SORCS1: variants seen among roughly 807,000 people sequenced by gnomAD.
SORCS1 encodes the protein sortilin related VPS10 domain containing receptor 1, also known as VPS10 domain-containing receptor SorCS1.
SORCS1 carries 60 observed loss-of-function variants against 146.1 expected under a neutral mutation model. The observed-to-expected ratio is 0.41, with a 90% CI of 0.33 to 0.51. SORCS1 has a LOEUF of 0.51. Ranked by LOEUF, SORCS1 falls within the 20% of genes least tolerant of loss-of-function variation. SORCS1 has a pLI of 0.21. For missense variants in SORCS1, 1,352 were observed against 1,487.6 expected, an observed-to-expected ratio of 0.91 and a Z score of 1.50; for synonymous variants, 637 against 584.0, an observed-to-expected ratio of 1.09 and a Z score of -1.31.
intron 1 of SORCS1, among the ~76,000 whole-genome samples, chr10:107,030,044 C>G (rs957653831): frequency 1.3e-5 from 2 of 151,788 alleles, no homozygotes; most frequent in African/African-American, 4.8e-5. Flanking sequence ...CCATGTCGCA[C>G]AATAACTTAG....
chr10:106,948,563 A>C (rs4917492), intron 2 of SORCS1, among the ~76,000 whole-genome samples: 64,497 of 151,666 alleles, frequency 0.43, 16,998 homozygotes, highest in Non-Finnish European at 0.58. Context: ...AGTACCAGTT[A>C]CTTGGGAGGC....
chr10:106,966,599 C>T (rs766612752), intron 1 of SORCS1, among the ~76,000 whole-genome samples: 1 of 152,188 alleles, frequency 6.6e-6, no homozygotes, highest in Non-Finnish European at 1.5e-5. Context: ...GTGTTGCAGA[C>T]AGAGCTAGGG....
At chr10:106,664,995 C>T (rs1222814479) in intron 17 of SORCS1, among the ~76,000 whole-genome samples, 1 of 152,058 alleles carries the variant, frequency 6.6e-6, no homozygotes, top group Non-Finnish European at 1.5e-5. Context: ...TATGCTAAGA[C>T]CTCACTGACC....
At chr10:106,868,475 G>T (rs1259035147) in intron 2 of SORCS1, among the ~76,000 whole-genome samples, 1 of 152,054 alleles carries the variant, frequency 6.6e-6, no homozygotes. Context: ...AAATGGAAAA[G>T]AACCAAATTC....
intron 1 of SORCS1, among the ~76,000 whole-genome samples, chr10:106,980,301 C>G (rs1423651549): frequency 1.3e-5 from 2 of 152,172 alleles, no homozygotes; most frequent in East Asian, 1.9e-4. Flanking sequence ...TTTGCCAAAG[C>G]TACATAAAGG....
rs190619636 is a variant in SORCS1, at chr10:106,688,179, T to C, written c.1560+13A>G. ...TACTGTGTGAGGCATTCTGCTTCAATAGGAAGACTCACCAGCAAGCAGTGC... is the reference window on the plus strand; with the variant it reads ...TACTGTGTGAGGCATTCTGCTTCAACAGGAAGACTCACCAGCAAGCAGTGC... On this transcript the variant is annotated intron_variant, in intron 10 of 25. Coordinates refer to ENST00000263054, the MANE Select transcript of SORCS1 (RefSeq NM_052918.5). 633 of 1,611,302 alleles carry C rather than the reference T, an allele frequency of 3.9e-4. 7 individuals are homozygous for C. The East Asian group carries it at 9.9e-3, about 25-fold the overall frequency.
At chr10:106,622,880 T>C (rs1398619261) in intron 19 of SORCS1, among the ~76,000 whole-genome samples, 1 of 152,160 alleles carries the variant, frequency 6.6e-6, no homozygotes, top group East Asian at 1.9e-4. Context: ...AAAGAACCTT[T>C]CCAGTCAAAC....
intron 1 of SORCS1, among the ~76,000 whole-genome samples, chr10:107,057,366 A>G (rs1960745601): frequency 6.6e-6 from 1 of 152,230 alleles, no homozygotes; most frequent in Non-Finnish European, 1.5e-5. Context: ...AGAGAAAGGA[A>G]TTGATTAAGA....
chr10:106,974,074 A>C (rs1359155627), intron 1 of SORCS1, among the ~76,000 whole-genome samples: 1 of 152,230 alleles, frequency 6.6e-6, no homozygotes, highest in African/African-American at 2.4e-5. Context: ...TACTTGTGCT[A>C]CTACATTTGA....
chr10:107,157,061 T>C lies in SORCS1; in HGVS notation c.558+6908A>G, dbSNP rs148835361. Among the ~76,000 whole-genome samples the C allele has an allele frequency of 3.3e-5, 5 of 152,338 alleles. No individual in the cohort carries two copies. The East Asian group carries it at 9.6e-4, about 29-fold the overall frequency. On this transcript the variant is annotated intron_variant, in intron 1 of 25. Coordinates refer to ENST00000263054, the MANE Select transcript of SORCS1 (RefSeq NM_052918.5). ...GACAAACAACTTGAAAAGCTGAACC[T>C]GGAACTCAGGAGCTCTACAGCCAAT...
chr10:106,688,294 G>A lies in SORCS1; in HGVS notation c.1458C>T (p.Asp486=). The change falls in exon 10 of 26, where the codon GAC becomes GAT. Residue 486 remains aspartate, a synonymous_variant. Coordinates refer to ENST00000263054, the MANE Select transcript of SORCS1 (RefSeq NM_052918.5). ...KGMFLANKKI[D]NQVKTFITYN... ...ATGTGATGAAAGTCTTCACTTGGTT[G>A]TCAATCTTCTTGTTAGCCAAGAACA... is the stretch of plus-strand genomic sequence containing the variant. 6.2e-7 allele frequency: 1 copy of A among 1,613,968 alleles called. No homozygotes were observed. The highest frequency in any genetic ancestry group is 8.5e-7 in the Non-Finnish European group (1 of 1,179,894).
chr10:106,716,632 C>G (rs1221073618), intron 6 of SORCS1, among the ~76,000 whole-genome samples: 2 of 152,172 alleles, frequency 1.3e-5, no homozygotes, highest in African/African-American at 4.8e-5. Flanking sequence ...GCTTGAACAG[C>G]CTTTTCCTTT....
intron 1 of SORCS1, among the ~76,000 whole-genome samples, chr10:107,161,378 AAAGAT>A (rs1255950607): frequency 1.3e-5 from 2 of 152,150 alleles, no homozygotes; most frequent in Non-Finnish European, 2.9e-5. Context: ...CTAAATGTGA[AAAGAT>A]AAGAGTCCCC....
At chr10:106,821,442 T>C (rs1411470089) in intron 3 of SORCS1, among the ~76,000 whole-genome samples, 1 of 152,256 alleles carries the variant, frequency 6.6e-6, no homozygotes, top group Admixed American at 6.5e-5. Flanking sequence ...TAATACAATT[T>C]TGAATTATAA....
At chr10:107,021,951 T>C (rs978756214) in intron 1 of SORCS1, among the ~76,000 whole-genome samples, 1 of 152,226 alleles carries the variant, frequency 6.6e-6, no homozygotes, top group Admixed American at 6.5e-5. Flanking sequence ...GAAATGATAT[T>C]GTCACAAACA....
At chr10:106,917,342 G>T (rs375184983) in intron 2 of SORCS1, among the ~76,000 whole-genome samples, 39 of 152,190 alleles carry the variant, frequency 2.6e-4, no homozygotes, top group African/African-American at 8.4e-4. Context: ...CAGAGTTCCT[G>T]GTACATAGTT....
rs1193168022 is a variant in SORCS1, at chr10:107,163,955, C to A, written c.558+14G>T. ...ATCTTTCCACCCCTTTACCCTCAGT[C>A]CCATTCTACTCACGCTGCTGTTGTG... is the stretch of plus-strand genomic sequence containing the variant. On this transcript the variant is annotated intron_variant, in intron 1 of 25. Coordinates refer to ENST00000263054, the MANE Select transcript of SORCS1 (RefSeq NM_052918.5). 2 of 1,607,850 alleles carry A rather than the reference C, an allele frequency of 1.2e-6. No homozygotes were observed. The highest frequency in any genetic ancestry group is 1.7e-6 in the Non-Finnish European group (2 of 1,175,858).
At chr10:107,065,683 T>C (rs1320353035) in intron 1 of SORCS1, among the ~76,000 whole-genome samples, 2 of 151,938 alleles carry the variant, frequency 1.3e-5, no homozygotes, top group Non-Finnish European at 2.9e-5. Flanking sequence ...GCTTTGTTTT[T>C]GTTTTGTATT....
At chr10:106,937,119 G>T (rs1388777854) in intron 2 of SORCS1, among the ~76,000 whole-genome samples, 1 of 151,848 alleles carries the variant, frequency 6.6e-6, no homozygotes, top group Admixed American at 6.6e-5. Flanking sequence ...AATCATGGGG[G>T]TAGGTTTTTC....
Sources: allele counts gnomAD v4.1 joint callset (sites outside exome capture counted in the v4.1 genomes callset), GRCh38; gene constraint gnomAD v4.1.1; transcripts MANE v1.5; gene names NCBI Gene and HGNC (gene_info 2026-07-23, HGNC 2026-07-21).